Variants in SLC30A6 observed in about 807,000 individuals in gnomAD.
The protein encoded by SLC30A6 is zinc transporter 6.
SLC30A6 carries 55 observed loss-of-function variants against 63.0 expected under a neutral mutation model. The ratio of observed to expected loss-of-function variants is 0.87; its 90% CI spans 0.70 to 1.09. The LOEUF is 1.09. Ranked by LOEUF, SLC30A6 falls within the 50% of genes least tolerant of loss-of-function variation. SLC30A6 has a pLI of 0.00. For missense variants in SLC30A6, 587 were observed against 549.2 expected, an observed-to-expected ratio of 1.07 and a Z score of -0.69; for synonymous variants, 224 against 186.1, an observed-to-expected ratio of 1.20 and a Z score of -1.66.
intron 5 of SLC30A6, among the ~76,000 whole-genome samples, chr2:32,185,865 G>A (rs894864094): frequency 2.0e-5 from 3 of 151,224 alleles, no homozygotes; most frequent in Non-Finnish European, 4.4e-5. Flanking sequence ...GATTACAGGT[G>A]TGTGCCACCA....
intron 12 of SLC30A6, among the ~76,000 whole-genome samples, chr2:32,207,865 A>G (rs212683): frequency 6.7e-6 from 1 of 149,734 alleles, no homozygotes; most frequent in Non-Finnish European, 1.5e-5. Context: ...ATGCCTGGCT[A>G]ATTTTTGTAT....
At chr2:32,169,761 C>T (rs1681027434) in intron 1 of SLC30A6, among the ~76,000 whole-genome samples, 1 of 152,174 alleles carries the variant, frequency 6.6e-6, no homozygotes, top group South Asian at 2.1e-4. Flanking sequence ...TCAAAAGCAG[C>T]TGGAACTGAG....
chr2:32,170,313 C>T (rs947277079), intron 1 of SLC30A6, among the ~76,000 whole-genome samples: 9 of 152,162 alleles, frequency 5.9e-5, no homozygotes, highest in Admixed American at 5.2e-4. Flanking sequence ...TATTGACTGG[C>T]TTATATTTTC....
chr2:32,200,413 G>T (rs1194733538), intron 10 of SLC30A6, among the ~76,000 whole-genome samples: 2 of 151,798 alleles, frequency 1.3e-5, no homozygotes, highest in Admixed American at 6.6e-5. Context: ...GAATAGAAAA[G>T]GGGGAAAGGT....
At chr2:32,203,294 C>T in intron 10 of SLC30A6, 1 of 923,686 alleles carries the variant, frequency 1.1e-6, no homozygotes, top group African/African-American at 1.6e-5. Context: ...AGAAAGAGGT[C>T]AACTAAGATA....
rs148425762 is a variant in SLC30A6, at chr2:32,213,979, G to A, written c.885+4418G>A. On this transcript the variant is annotated intron_variant, in intron 13 of 13. Transcript: ENST00000282587. ...TATCTGTGAAACTGCTTTGTGATGT[G>A]TAGATTCATCTCACAGAGTTAAACC... Among the ~76,000 whole-genome samples the A allele has an allele frequency of 8.9e-3, 1,348 of 152,086 alleles. 22 individuals are homozygous for A. The highest frequency in any genetic ancestry group is 0.029 in the African/African-American group (1,201 of 41,500).
At position 32,201,863 on chromosome 2, in the gene SLC30A6, G is replaced by T; in HGVS notation, c.666-2727G>T. On this transcript the variant is annotated intron_variant, in intron 10 of 13. Transcript: ENST00000282587. ...GAGAAATCAGAAACAAGAGAAAATG[G>T]TGTTACAGATTACCTGGATGCTCCC... The T allele has an allele frequency of 2.8e-6, 4 of 1,438,674 alleles. No homozygotes were observed. The South Asian group carries it at 4.8e-5, about 17-fold the overall frequency. The allele number at this position is 1,438,674 out of a possible 1,614,324, so 89.1% of individuals were successfully genotyped here.
intron 6 of SLC30A6, 25 bp from the exon 7 acceptor site, chr2:32,192,893 T>C: frequency 7.1e-7 from 1 of 1,413,398 alleles, no homozygotes; most frequent in Non-Finnish European, 9.6e-7. Flanking sequence ...ATAGGACTTA[T>C]TTAATATATT....
intron 10 of SLC30A6, chr2:32,201,851 C>G: frequency 6.9e-7 from 1 of 1,439,334 alleles, no homozygotes; most frequent in Non-Finnish European, 9.7e-7. Context: ...AAATCAGAAA[C>G]AAGAGAAAAT....
At chr2:32,182,529 AT>A (rs1335820358) in intron 4 of SLC30A6, among the ~76,000 whole-genome samples, 1 of 152,112 alleles carries the variant, frequency 6.6e-6, no homozygotes, top group African/African-American at 2.4e-5. Context: ...AATTCTACAG[AT>A]TCAGGGGTGT....
intron 1 of SLC30A6, among the ~76,000 whole-genome samples, chr2:32,166,605 C>T (rs946862793): frequency 6.6e-6 from 1 of 152,174 alleles, no homozygotes; most frequent in African/African-American, 2.4e-5. Flanking sequence ...TAAAGATAAG[C>T]AGTTGGTTGG....
In SLC30A6 at chr2:32,190,409, A is replaced by G. The variant is rs531308394; in HGVS notation, c.285-1927A>G. On this transcript the variant is annotated intron_variant, in intron 5 of 13. Transcript: ENST00000282587. Reference sequence around the variant, plus strand: ...AGGAAGCAGAGGTTGCAGTGAGCCAATATCGTGTCATTGCTCTCCAGCCTG... The same window carrying G: ...AGGAAGCAGAGGTTGCAGTGAGCCAGTATCGTGTCATTGCTCTCCAGCCTG... Among the ~76,000 whole-genome samples, 16 of 151,946 alleles carry G rather than the reference A, an allele frequency of 1.1e-4. No homozygotes were observed. In the South Asian group the frequency reaches 1.9e-3, roughly 18 times the overall value.
At chr2:32,196,198 C>A (rs1017153230) in intron 8 of SLC30A6, among the ~76,000 whole-genome samples, 1 of 152,016 alleles carries the variant, frequency 6.6e-6, no homozygotes, top group East Asian at 1.9e-4. Flanking sequence ...GCCTGTGATC[C>A]CAGCTACTTG....
intron 8 of SLC30A6, 101 bp from the exon 9 acceptor site, chr2:32,197,243 G>T (rs1022461670): frequency 2.0e-6 from 2 of 1,024,278 alleles, no homozygotes; most frequent in Non-Finnish European, 2.9e-6. Flanking sequence ...ATGTTATTCA[G>T]TCACTGCCAA....
chr2:32,220,129 A>G, intron 13 of SLC30A6, 84 bp from the exon 14 acceptor site: 2 of 1,452,956 alleles, frequency 1.4e-6, no homozygotes, highest in Non-Finnish European at 1.8e-6. Flanking sequence ...AACTTACCAA[A>G]TCATAAATAA....
intron 10 of SLC30A6, among the ~76,000 whole-genome samples, chr2:32,204,261 A>T (rs1258195570): frequency 2.0e-5 from 3 of 152,338 alleles, no homozygotes; most frequent in Middle Eastern, 3.4e-3. Flanking sequence ...TGTCTCAAGC[A>T]AATAAACATA....
intron 13 of SLC30A6, among the ~76,000 whole-genome samples, chr2:32,213,256 C>G (rs951073126): frequency 1.3e-5 from 2 of 150,484 alleles, no homozygotes; most frequent in Non-Finnish European, 3.0e-5. Context: ...CTCAACTGTA[C>G]TACTCAGTTT....
At chr2:32,193,399 A>G (rs1271829922) in intron 7 of SLC30A6, among the ~76,000 whole-genome samples, 2 of 152,020 alleles carry the variant, frequency 1.3e-5, no homozygotes, top group African/African-American at 2.4e-5. Flanking sequence ...ACAGAGTGAG[A>G]CCCTGTCTCC....
At chr2:32,215,572 A>G (rs1160143922) in intron 13 of SLC30A6, among the ~76,000 whole-genome samples, 2 of 149,898 alleles carry the variant, frequency 1.3e-5, no homozygotes, top group Admixed American at 1.3e-4. Context: ...TGTTAAGAAA[A>G]TAAAAACTTG....
Sources: allele counts gnomAD v4.1 joint callset (sites outside exome capture counted in the v4.1 genomes callset), GRCh38; gene constraint gnomAD v4.1.1; transcripts MANE v1.5; gene names NCBI Gene and HGNC (gene_info 2026-07-23, HGNC 2026-07-21).